Variants in SGCZ observed in about 807,000 individuals in gnomAD.
The protein encoded by SGCZ is sarcoglycan zeta, also known as zeta-sarcoglycan.
SGCZ carries 40 observed loss-of-function variants against 41.3 expected under a neutral mutation model. That is an observed-to-expected ratio of 0.97 (90% confidence interval 0.75 to 1.26). The LOEUF is 1.26. SGCZ is among the 50% of genes most tolerant of loss of function. The pLI, the probability that SGCZ is intolerant of heterozygous loss-of-function variation, is 0.00. For missense variants in SGCZ, 552 were observed against 369.8 expected, an observed-to-expected ratio of 1.49 and a Z score of -4.04; for synonymous variants, 206 against 137.5, an observed-to-expected ratio of 1.50 and a Z score of -3.49.
At chr8:15,182,444 G>T (rs961088737) in intron 1 of SGCZ, among the ~76,000 whole-genome samples, 1 of 152,066 alleles carries the variant, frequency 6.6e-6, no homozygotes, top group Admixed American at 6.6e-5. Flanking sequence ...AAATGGTACA[G>T]CCTATTACTC....
chr8:14,116,214 T>G (rs576561651), intron 5 of SGCZ, among the ~76,000 whole-genome samples: 1 of 152,084 alleles, frequency 6.6e-6, no homozygotes, highest in Non-Finnish European at 1.5e-5. Context: ...AACAAAATAT[T>G]GTATGTTCAA....
intron 7 of SGCZ, among the ~76,000 whole-genome samples, chr8:14,099,891 CTA>C (rs1343845894): frequency 1.3e-5 from 2 of 152,110 alleles, no homozygotes; most frequent in African/African-American, 4.8e-5. Flanking sequence ...CCTGAAATGA[CTA>C]TGAATTTTCA....
chr8:14,608,560 C>T (rs531587969), intron 1 of SGCZ, among the ~76,000 whole-genome samples: 3 of 152,180 alleles, frequency 2.0e-5, no homozygotes, highest in South Asian at 4.1e-4. Flanking sequence ...TAAGAACTCA[C>T]TCATTACCGT....
At chr8:14,915,001 T>C (rs1175630527) in intron 1 of SGCZ, among the ~76,000 whole-genome samples, 2 of 152,180 alleles carry the variant, frequency 1.3e-5, no homozygotes, top group East Asian at 3.9e-4. Flanking sequence ...GCATGACATA[T>C]CTTTGCTACA....
chr8:14,884,848 C>G (rs2130730571), intron 1 of SGCZ, among the ~76,000 whole-genome samples: 1 of 152,064 alleles, frequency 6.6e-6, no homozygotes, highest in East Asian at 1.9e-4. Context: ...CCTTTCAATC[C>G]TCCAGTCCTT....
chr8:14,306,258 A>G (rs1295798651), intron 3 of SGCZ, among the ~76,000 whole-genome samples: 1 of 152,230 alleles, frequency 6.6e-6, no homozygotes, highest in Non-Finnish European at 1.5e-5. Context: ...ATTCAATAAC[A>G]TTATAGATGG....
At chr8:14,999,370 C>T (rs971004714) in intron 1 of SGCZ, among the ~76,000 whole-genome samples, 1 of 151,916 alleles carries the variant, frequency 6.6e-6, no homozygotes, top group Non-Finnish European at 1.5e-5. Flanking sequence ...CAGGATAGTT[C>T]CAAAGAATAA....
intron 3 of SGCZ, among the ~76,000 whole-genome samples, chr8:14,303,330 G>A (rs1426584344): frequency 1.3e-5 from 2 of 151,980 alleles, no homozygotes; most frequent in African/African-American, 2.4e-5. Flanking sequence ...TGGGAGGTTA[G>A]GGTTACTTTG....
rs114876325 is a variant in SGCZ, at chr8:14,612,411, T to A, written c.40-57485A>T. 7.9e-3 allele frequency among the ~76,000 whole-genome samples: 1,202 copies of A among 152,310 alleles called. 23 individuals carry two copies. The highest frequency in any genetic ancestry group is 0.028 in the African/African-American group (1,160 of 41,566). On this transcript the variant is annotated intron_variant, in intron 1 of 7. Coordinates refer to ENST00000382080, the MANE Select transcript of SGCZ (RefSeq NM_139167.4). ...TTCACCTTCTGCCGTGATTGTAAGT[T>A]TCCTGTGGTTTCCTCAGCCATAAGG... is the stretch of plus-strand genomic sequence containing the variant.
At chr8:14,244,101 C>T (rs942868199) in intron 3 of SGCZ, among the ~76,000 whole-genome samples, 2 of 152,050 alleles carry the variant, frequency 1.3e-5, no homozygotes, top group Non-Finnish European at 2.9e-5. Flanking sequence ...GTGTTCAGAT[C>T]ACACCAAATT....
intron 1 of SGCZ, among the ~76,000 whole-genome samples, chr8:14,818,725 AAG>A (rs1459575464): frequency 6.6e-6 from 1 of 152,134 alleles, no homozygotes; most frequent in Non-Finnish European, 1.5e-5. Context: ...AAATTCAACA[AAG>A]AGAAAGATGT....
intron 6 of SGCZ, among the ~76,000 whole-genome samples, chr8:14,104,699 T>G (rs573861403): frequency 2.0e-5 from 3 of 152,248 alleles, no homozygotes; most frequent in East Asian, 3.9e-4. Context: ...AAATCCTGAC[T>G]GCTTAATAGA....
chr8:14,247,264 T>G (rs1799131486), intron 3 of SGCZ, among the ~76,000 whole-genome samples: 1 of 152,200 alleles, frequency 6.6e-6, no homozygotes, highest in Admixed American at 6.5e-5. Context: ...CTTTGCATTG[T>G]CCTTCTGGCT....
chr8:14,548,074 AC>A (rs2117169765), intron 2 of SGCZ, among the ~76,000 whole-genome samples: 1 of 152,276 alleles, frequency 6.6e-6, no homozygotes, highest in Non-Finnish European at 1.5e-5. Context: ...TATGTCAGGT[AC>A]TTCTGGAACA....
chr8:14,142,610 G>C (rs1247516782), intron 5 of SGCZ, among the ~76,000 whole-genome samples: 1 of 152,128 alleles, frequency 6.6e-6, no homozygotes, highest in Non-Finnish European at 1.5e-5. Context: ...GGCTGGGGAG[G>C]GAGCCCTGGC....
chr8:14,188,409 C>A (rs1804975632), intron 4 of SGCZ, among the ~76,000 whole-genome samples: 1 of 149,446 alleles, frequency 6.7e-6, no homozygotes, highest in African/African-American at 2.4e-5. Context: ...ATTAGTAAAC[C>A]CTGAAAACAT....
intron 1 of SGCZ, among the ~76,000 whole-genome samples, chr8:14,741,589 A>C (rs569749447): frequency 6.6e-6 from 1 of 152,244 alleles, no homozygotes; most frequent in African/African-American, 2.4e-5. Flanking sequence ...AGAACTGCTA[A>C]ATGTATAATC....
At chr8:14,131,438 G>T (rs1241774470) in intron 5 of SGCZ, among the ~76,000 whole-genome samples, 1 of 152,134 alleles carries the variant, frequency 6.6e-6, no homozygotes, top group Non-Finnish European at 1.5e-5. Context: ...AGAACTTTTA[G>T]CAATTTCTGT....
At chr8:14,516,662 G>A (rs1464666336) in intron 2 of SGCZ, among the ~76,000 whole-genome samples, 1 of 151,986 alleles carries the variant, frequency 6.6e-6, no homozygotes, top group East Asian at 1.9e-4. Flanking sequence ...ATCCCATAAA[G>A]TTGATTTGCT....
Sources: gnomAD v4.1 joint callset for allele counts (sites outside exome capture counted in the v4.1 genomes callset) on GRCh38, gnomAD v4.1.1 for gene constraint, MANE v1.5 for transcripts, NCBI Gene and HGNC (gene_info 2026-07-23, HGNC 2026-07-21) for gene names.